SLC7A1: variants seen among roughly 807,000 people sequenced by gnomAD.
The protein encoded by SLC7A1 is solute carrier family 7 member 1.
SLC7A1 carries 10 observed loss-of-function variants against 53.9 expected under a neutral mutation model. That is an observed-to-expected ratio of 0.19 (90% CI 0.11 to 0.31). SLC7A1 has a LOEUF of 0.31. Ranked by LOEUF, SLC7A1 falls within the 10% of genes least tolerant of loss-of-function variation. The pLI is 1.00. For synonymous variants in SLC7A1, 342 were observed against 338.7 expected, an observed-to-expected ratio of 1.01 and a Z score of -0.11; for missense variants, 525 against 827.2, an observed-to-expected ratio of 0.63 and a Z score of 4.48.
chr13:29,587,475 G>T (rs1046273650), intron 1 of SLC7A1, among the ~76,000 whole-genome samples: 2 of 152,162 alleles, frequency 1.3e-5, no homozygotes, highest in African/African-American at 4.8e-5. Flanking sequence ...GTAGCCCACT[G>T]GTAGGGGCCA....
rs1883383656 is a variant in SLC7A1 at position 29,511,357 on chromosome 13, T to TG, written c.*3122dup. On this transcript the variant is annotated 3_prime_UTR_variant, in exon 13 of 13. Transcript: ENST00000380752. ...TTTTTACTGCTGCAAAAACCAAAAG[T>TG]GGGGGGAGATCTCAGCAATTCTGAC... 2 of 152,146 alleles carry TG rather than the reference T, an allele frequency of 1.3e-5. No homozygotes were observed. The highest frequency in any genetic ancestry group is 3.4e-3 in the Middle Eastern group (1 of 294). 9.4% of individuals were successfully genotyped at this position (152,146 alleles called of 1,614,324 possible).
rs147291103 is a variant in SLC7A1 at position 29,525,198 on chromosome 13, C to A, written c.705-945G>T. 5.8e-4 allele frequency among the ~76,000 whole-genome samples: 88 copies of A among 152,350 alleles called. No individual in the cohort carries two copies. In the East Asian group the frequency reaches 0.016, roughly 27 times the overall value. ...TAACCCTAAGCTTTCTGCATCCAAC[C>A]CTCTGCTGCCACCCGAAAAGCAATT... On this transcript the variant is annotated intron_variant, in intron 5 of 12. Transcript: ENST00000380752.
Position 29,587,730 on chromosome 13 carries a change from AG to A in SLC7A1, c.-115+7685del, listed in dbSNP as rs1212882672. Among the ~76,000 whole-genome samples, 5 of 152,300 alleles carry A rather than the reference AG, an allele frequency of 3.3e-5. No homozygotes were observed. In the South Asian group the frequency reaches 6.2e-4, roughly 19 times the overall value. On this transcript the variant is annotated intron_variant, in intron 1 of 12. Coordinates refer to ENST00000380752, the MANE Select transcript of SLC7A1 (RefSeq NM_003045.5). ...CCCACCTGGAGGATATGCACCACAA[AG>A]GCACCACCAAGGCTGGTTAAGTCTG...
intron 2 of SLC7A1, among the ~76,000 whole-genome samples, chr13:29,536,450 C>T (rs1484263949): frequency 6.6e-6 from 1 of 152,178 alleles, no homozygotes; most frequent in Non-Finnish European, 1.5e-5. Context: ...GGTCTCTGAG[C>T]TTCCACATTT....
chr13:29,572,356 C>T (rs1003130864), intron 1 of SLC7A1, among the ~76,000 whole-genome samples: 16 of 152,106 alleles, frequency 1.1e-4, no homozygotes, highest in Non-Finnish European at 2.1e-4. Flanking sequence ...TAATGGCAGG[C>T]GCCACCTAAA....
At chr13:29,579,499 T>A (rs1206682173) in intron 1 of SLC7A1, among the ~76,000 whole-genome samples, 3 of 152,136 alleles carry the variant, frequency 2.0e-5, no homozygotes, top group Non-Finnish European at 4.4e-5. Flanking sequence ...TAGCTGGTAC[T>A]ACAGGCACAC....
intron 5 of SLC7A1, among the ~76,000 whole-genome samples, chr13:29,529,120 A>G (rs1403957290): frequency 6.6e-6 from 1 of 152,212 alleles, no homozygotes; most frequent in East Asian, 1.9e-4. Flanking sequence ...TGGCATAAAT[A>G]TGACTCTGAA....
At chr13:29,556,937 T>C (rs1401796169) in intron 1 of SLC7A1, among the ~76,000 whole-genome samples, 1 of 152,230 alleles carries the variant, frequency 6.6e-6, no homozygotes, top group Non-Finnish European at 1.5e-5. Context: ...CATAGTCTCC[T>C]GTCGTGGTAT....
chr13:29,549,230 C>T (rs114725642), intron 2 of SLC7A1, among the ~76,000 whole-genome samples: 20 of 152,226 alleles, frequency 1.3e-4, no homozygotes, highest in African/African-American at 4.8e-4. Context: ...GCCAATTGCC[C>T]GCATGCTCAC....
At chr13:29,537,857 T>G (rs968861525) in intron 2 of SLC7A1, among the ~76,000 whole-genome samples, 4 of 152,202 alleles carry the variant, frequency 2.6e-5, no homozygotes, top group African/African-American at 9.7e-5. Context: ...TTAAATCAAT[T>G]GAGATAACAA....
chr13:29,559,857 A>T (rs887902366), intron 1 of SLC7A1, among the ~76,000 whole-genome samples: 1 of 151,852 alleles, frequency 6.6e-6, no homozygotes, highest in Admixed American at 6.6e-5. Context: ...CTGGGACTAC[A>T]GGCGCCCGCC....
rs1036553362 is a variant in SLC7A1, at chr13:29,525,018, C to T, written c.705-765G>A. On this transcript the variant is annotated intron_variant, in intron 5 of 12. Transcript: ENST00000380752. ...GCTATGGCCCCTCCCAGGGCCCTGTCGGGGGTCCTTCAAGCCCTTGTTCCC... is the reference window on the plus strand; with the variant it reads ...GCTATGGCCCCTCCCAGGGCCCTGTTGGGGGTCCTTCAAGCCCTTGTTCCC... 5.3e-5 allele frequency among the ~76,000 whole-genome samples: 8 copies of T among 152,180 alleles called. No individual in the cohort carries two copies. The East Asian group carries it at 5.8e-4, about 11-fold the overall frequency.
chr13:29,520,845 T>C (rs1436721518), intron 8 of SLC7A1, among the ~76,000 whole-genome samples: 1 of 152,238 alleles, frequency 6.6e-6, no homozygotes, highest in Non-Finnish European at 1.5e-5. Flanking sequence ...AATGCCGATG[T>C]TCCTACTCAC....
chr13:29,587,325 A>G (rs1400085525), intron 1 of SLC7A1, among the ~76,000 whole-genome samples: 1 of 152,198 alleles, frequency 6.6e-6, no homozygotes, highest in Non-Finnish European at 1.5e-5. Context: ...TGGACCACCT[A>G]AGCGGACAAA....
At chr13:29,550,940 C>G (rs1018831229) in intron 2 of SLC7A1, among the ~76,000 whole-genome samples, 2 of 152,212 alleles carry the variant, frequency 1.3e-5, no homozygotes, top group Non-Finnish European at 2.9e-5. Flanking sequence ...GAGCAGCAAC[C>G]TTTCTTTAAT....
At chr13:29,527,113 A>G (rs1868931137) in intron 5 of SLC7A1, among the ~76,000 whole-genome samples, 1 of 152,186 alleles carries the variant, frequency 6.6e-6, no homozygotes, top group South Asian at 2.1e-4. Context: ...GCTAGTAAGC[A>G]AGAATGCAAG....
chr13:29,567,039 G>A (rs999151427), intron 1 of SLC7A1, among the ~76,000 whole-genome samples: 3 of 152,138 alleles, frequency 2.0e-5, no homozygotes, highest in Non-Finnish European at 2.9e-5. Context: ...ACATGTAACC[G>A]TCATTCTGCT....
chr13:29,534,804 G>A (rs1455973060), intron 3 of SLC7A1, among the ~76,000 whole-genome samples: 5 of 151,526 alleles, frequency 3.3e-5, no homozygotes, highest in African/African-American at 1.2e-4. Flanking sequence ...AAAAGTTTGA[G>A]AAAAAAAAAA....
chr13:29,534,185 T>C (rs1228077039), intron 3 of SLC7A1, among the ~76,000 whole-genome samples: 1 of 152,198 alleles, frequency 6.6e-6, no homozygotes, highest in African/African-American at 2.4e-5. Flanking sequence ...TTCTGAATTA[T>C]GCCTTTTAAA....
Sources: allele counts gnomAD v4.1 joint callset (sites outside exome capture counted in the v4.1 genomes callset), GRCh38; gene constraint gnomAD v4.1.1; transcripts MANE v1.5; gene names NCBI Gene and HGNC (gene_info 2026-07-23, HGNC 2026-07-21).